FBXL17: variants seen among roughly 807,000 people sequenced by gnomAD.
FBXL17 encodes F-box/LRR-repeat protein 17.
In FBXL17, 22 loss-of-function variants were observed where a neutral mutation model predicts 66.2. The ratio of observed to expected loss-of-function variants is 0.33; its 90% CI spans 0.24 to 0.47. FBXL17 has a LOEUF of 0.47. FBXL17 is among the 20% of genes least tolerant of loss of function. FBXL17 has a pLI of 1.00. For synonymous variants in FBXL17, 474 were observed against 400.5 expected, an observed-to-expected ratio of 1.18 and a Z score of -2.19; for missense variants, 878 against 948.2, an observed-to-expected ratio of 0.93 and a Z score of 0.97.
At chr5:108,302,989 T>C (rs539050369) in intron 4 of FBXL17, among the ~76,000 whole-genome samples, 2 of 151,858 alleles carry the variant, frequency 1.3e-5, no homozygotes, top group Non-Finnish European at 2.9e-5. Context: ...ACTCACATTT[T>C]AAGAAAACTG....
chr5:108,053,243 A>C (rs1442220604), intron 6 of FBXL17, among the ~76,000 whole-genome samples: 1 of 152,204 alleles, frequency 6.6e-6, no homozygotes, highest in Non-Finnish European at 1.5e-5. Flanking sequence ...AGAAACTACC[A>C]TCAGAGTGAA....
At chr5:107,871,057 C>CAA (rs201752049) in intron 8 of FBXL17, among the ~76,000 whole-genome samples, 16,867 of 64,500 alleles carry the variant, frequency 0.26, 2,821 homozygotes, top group Admixed American at 0.36. Context: ...TCTTGGGCGG[C>CAA]AAAAAAAAAA....
At chr5:108,100,780 G>A (rs1029563234) in intron 6 of FBXL17, among the ~76,000 whole-genome samples, 17 of 152,146 alleles carry the variant, frequency 1.1e-4, no homozygotes, top group Admixed American at 3.3e-4. Flanking sequence ...AAGTTATAAT[G>A]TCATAGCTTT....
intron 8 of FBXL17, among the ~76,000 whole-genome samples, 154 bp from the exon 9 acceptor site, chr5:107,862,014 A>G (rs554062240): frequency 1.3e-5 from 2 of 152,104 alleles, no homozygotes; most frequent in Non-Finnish European, 2.9e-5. Flanking sequence ...GTGAGGAGAT[A>G]TGTGTCCCAT....
intron 6 of FBXL17, among the ~76,000 whole-genome samples, chr5:108,026,535 C>A (rs151243011): frequency 6.6e-5 from 10 of 152,214 alleles, no homozygotes; most frequent in African/African-American, 2.4e-4. Context: ...AAGAAAAATT[C>A]TTTTTTAAAG....
intron 6 of FBXL17, among the ~76,000 whole-genome samples, chr5:108,037,042 G>C (rs1746870478): frequency 6.6e-6 from 1 of 152,018 alleles, no homozygotes; most frequent in Non-Finnish European, 1.5e-5. Flanking sequence ...TAGATCCCTA[G>C]GGTTTAAAAT....
intron 5 of FBXL17, among the ~76,000 whole-genome samples, chr5:108,219,769 C>G (rs1018759245): frequency 6.6e-6 from 1 of 151,930 alleles, no homozygotes; most frequent in Non-Finnish European, 1.5e-5. Context: ...TTTTGTCAAC[C>G]CTCTGAGCTA....
chr5:107,870,130 GTCC>G (rs1748397283), intron 8 of FBXL17, among the ~76,000 whole-genome samples: 1 of 152,080 alleles, frequency 6.6e-6, no homozygotes, highest in Non-Finnish European at 1.5e-5. Context: ...TACCAGGAGA[GTCC>G]AAAACATAGA....
chr5:108,359,922 T>C (rs930939248), intron 3 of FBXL17, among the ~76,000 whole-genome samples: 1 of 152,138 alleles, frequency 6.6e-6, no homozygotes, highest in African/African-American at 2.4e-5. Context: ...CAACTGTCTA[T>C]TCCTCTCTCC....
chr5:108,014,241 T>A (rs547829594), intron 7 of FBXL17, among the ~76,000 whole-genome samples: 1 of 152,184 alleles, frequency 6.6e-6, no homozygotes, highest in South Asian at 2.1e-4. Flanking sequence ...CTAACAGGAA[T>A]TGAGGAAAGA....
intron 7 of FBXL17, among the ~76,000 whole-genome samples, chr5:107,969,319 T>C (rs903297763): frequency 2.0e-5 from 3 of 152,144 alleles, no homozygotes; most frequent in African/African-American, 7.2e-5. Context: ...TAGTACACTT[T>C]AGTATACACT....
chr5:108,128,017 G>A (rs901896296), intron 6 of FBXL17, among the ~76,000 whole-genome samples: 1 of 151,962 alleles, frequency 6.6e-6, no homozygotes, highest in South Asian at 2.1e-4. Context: ...AGGCTGTGGC[G>A]GGTGGATAAC....
chr5:108,204,122 T>C (rs1754011692), intron 5 of FBXL17, among the ~76,000 whole-genome samples: 1 of 152,226 alleles, frequency 6.6e-6, no homozygotes, highest in African/African-American at 2.4e-5. Context: ...TTAATGTTTG[T>C]AAGCTGTTGA....
At chr5:108,333,544 T>C (rs897215508) in intron 4 of FBXL17, among the ~76,000 whole-genome samples, 2 of 152,272 alleles carry the variant, frequency 1.3e-5, no homozygotes, top group Admixed American at 1.3e-4. Flanking sequence ...GTATTTAAAA[T>C]ATCAAAGGTT....
At chr5:108,072,526 A>T (rs537746893) in intron 6 of FBXL17, among the ~76,000 whole-genome samples, 1 of 152,106 alleles carries the variant, frequency 6.6e-6, no homozygotes, top group African/African-American at 2.4e-5. Flanking sequence ...ACATGGTGAA[A>T]CCCCGTCTCT....
At chr5:107,941,691 T>C (rs867571345) in intron 7 of FBXL17, among the ~76,000 whole-genome samples, 10 of 152,124 alleles carry the variant, frequency 6.6e-5, no homozygotes, top group East Asian at 3.9e-4. Flanking sequence ...GTTAGAGATA[T>C]AGAAAGAGAA....
At chr5:108,120,617 G>A (rs538135721) in intron 6 of FBXL17, among the ~76,000 whole-genome samples, 4 of 152,120 alleles carry the variant, frequency 2.6e-5, no homozygotes, top group African/African-American at 9.6e-5. Context: ...GATCACTTGA[G>A]GCCAGGAGTT....
At chr5:108,077,067 G>C (rs1418369191) in intron 6 of FBXL17, among the ~76,000 whole-genome samples, 1 of 151,936 alleles carries the variant, frequency 6.6e-6, no homozygotes, top group East Asian at 1.9e-4. Context: ...GTTATTTTGG[G>C]ACCTCAAAAA....
At chr5:108,306,713 T>C (rs73781317) in intron 4 of FBXL17, among the ~76,000 whole-genome samples, 2,731 of 152,136 alleles carry the variant, frequency 0.018, 84 homozygotes, top group African/African-American at 0.062. Context: ...AGACAGGGGA[T>C]AGCATTTTTC....
Sources: gnomAD v4.1 joint callset for allele counts (sites outside exome capture counted in the v4.1 genomes callset) on GRCh38, gnomAD v4.1.1 for gene constraint, MANE v1.5 for transcripts, NCBI Gene and HGNC (gene_info 2026-07-23, HGNC 2026-07-21) for gene names.